The following PWWP2A variants were observed in gnomAD, a reference collection of about 807,000 sequenced individuals.
The protein encoded by PWWP2A is PWWP domain-containing protein 2A.
A neutral mutation model predicts 48.5 loss-of-function variants in PWWP2A; 18 were observed. The ratio of observed to expected loss-of-function variants is 0.37; its 90% CI spans 0.26 to 0.55. The LOEUF (loss-of-function observed/expected upper bound fraction) is 0.55. Among genes scored for constraint, PWWP2A ranks in the 20% least tolerant of loss-of-function variants. The pLI is 0.81. For missense variants in PWWP2A, 867 were observed against 976.4 expected (o/e 0.89, Z 1.49); for synonymous variants, 396 against 387.7 (o/e 1.02, Z -0.25).
chr5:160,069,245 A>G (rs1157085507), intron 2 of PWWP2A, among the ~76,000 whole-genome samples: 1 of 151,978 alleles, frequency 6.6e-6, no homozygotes, highest in African/African-American at 2.4e-5. Flanking sequence ...AGATCATGCC[A>G]CTGCACTCTA....
chr5:160,094,989 A>G (rs1466665231), intron 1 of PWWP2A, among the ~76,000 whole-genome samples: 2 of 132,212 alleles, frequency 1.5e-5, no homozygotes, highest in African/African-American at 5.5e-5. Flanking sequence ...CAGAGCTTGC[A>G]GTGAGCTGAG....
chr5:160,097,128 G>A (rs1397167377), intron 1 of PWWP2A, among the ~76,000 whole-genome samples: 1 of 151,654 alleles, frequency 6.6e-6, no homozygotes, highest in Non-Finnish European at 1.5e-5. Flanking sequence ...CTTGAGCCCA[G>A]GAGTTTGAGA....
At chr5:160,090,370 AACTTTT>A, downstream of PWWP2A, 7 of 983,834 alleles carry the variant, frequency 7.1e-6, no homozygotes, top group Non-Finnish European at 8.4e-6. Flanking sequence ...TTAGATTTCA[AACTTTT>A]AAAAACACCT....
At chr5:160,059,594 T>A (rs1444908691), downstream of PWWP2A, among the ~76,000 whole-genome samples, 1 of 152,244 alleles carries the variant, frequency 6.6e-6, no homozygotes, top group African/African-American at 2.4e-5. Flanking sequence ...GGATTATTAA[T>A]TGACCTAATT....
Position 160,093,774 on chromosome 5 carries a change from C to A in PWWP2A, c.876G>T (p.Arg292=). ...TTTTTCGTTTGGGTCGCTTAATTTT[C>A]CGAGGAGGTGGCTGAGGTATTGATT... The part of the protein sequence containing the change: ...YNQSIPQPPP[R]KIKRPKRKMY... Residue 292 remains arginine, a synonymous_variant, in exon 2 of 2, where the codon CGG becomes CGT. Coordinates refer to ENST00000307063, the MANE Select transcript of PWWP2A (RefSeq NM_001130864.2). The surrounding 1 kb of genome is among the most constrained non-coding windows in gnomAD (Gnocchi z 5.8). 6.2e-7 allele frequency: 1 copy of A among 1,613,564 alleles called. No homozygotes were observed. The highest frequency in any genetic ancestry group is 8.5e-7 in the Non-Finnish European group (1 of 1,179,782).
downstream of PWWP2A, among the ~76,000 whole-genome samples, chr5:160,087,742 A>C (rs140626088): frequency 9.8e-3 from 1,498 of 152,358 alleles, 15 homozygotes; most frequent in Middle Eastern, 0.02. Flanking sequence ...CACACAAAAA[A>C]ATCACAGTGC....
rs1340474730 is a variant in PWWP2A, at chr5:160,091,605, G to A, written c.*777C>T. 1.0e-6 allele frequency: 1 copy of A among 982,810 alleles called. No homozygotes were observed. Among genetic ancestry groups the A allele is most frequent in the Non-Finnish European group, 1.2e-6 (1 of 828,970 alleles). The allele number at this position is 982,810 out of a possible 1,614,324, so 60.9% of individuals were successfully genotyped here. On this transcript the variant is annotated 3_prime_UTR_variant, in exon 2 of 2. Coordinates refer to ENST00000307063, the MANE Select transcript of PWWP2A (RefSeq NM_001130864.2). The stretch of plus-strand genomic sequence containing the variant: ...GTCAGGAGAAATCTGACCAAATTTA[G>A]CAATCACTATTTACAAATCCAAAAT...
At chr5:160,045,077 G>T in the PWWP2A span, among the ~76,000 whole-genome samples, 1 of 152,152 alleles carries the variant, frequency 6.6e-6, no homozygotes, top group African/African-American at 2.4e-5. Context: ...TTTATGTGAG[G>T]ATGTGTGGGT....
intron 3 of PWWP2A, among the ~76,000 whole-genome samples, chr5:160,079,438 A>G (rs1014801548): frequency 3.0e-4 from 43 of 142,774 alleles, no homozygotes; most frequent in Non-Finnish European, 5.3e-4. Context: ...TTGCTTCTGG[A>G]AAAAAAAAAA....
Position 160,093,223 on chromosome 5 carries a change from A to G in PWWP2A, c.1427T>C (p.Leu476Ser), listed in dbSNP as rs772530906. The G allele has an allele frequency of 6.2e-7, 1 of 1,613,966 alleles. No individual in the cohort carries two copies. Among genetic ancestry groups the G allele is most frequent in the Admixed American group, 1.7e-5 (1 of 60,018 alleles). ...TTCATTCCTGTACCTCTGTGGTTTT[A>G]AACGAACCCGGGGTGGAAGGGAACC... ...SSGSLPPRVR[L>S]KPQRYRNEEN... is the part of the protein sequence containing the mutation. The change falls in exon 2 of 2, where the codon TTA becomes TCA. Residue 476 changes from leucine to serine, a missense_variant. Coordinates refer to ENST00000307063, the MANE Select transcript of PWWP2A (RefSeq NM_001130864.2). The surrounding 1 kb of genome is among the most constrained non-coding windows in gnomAD (Gnocchi z 5.8).
At chr5:160,101,971 G>A (rs886569855) in intron 1 of PWWP2A, among the ~76,000 whole-genome samples, 63 of 151,756 alleles carry the variant, frequency 4.2e-4, no homozygotes, top group African/African-American at 1.5e-3. Flanking sequence ...GTAGCCGGGC[G>A]TGGTGGCATG....
chr5:160,092,757 A>G lies in PWWP2A; in HGVS notation c.1893T>C (p.Asn631=), dbSNP rs1755211809. 4 of 1,551,532 alleles carry G rather than the reference A, an allele frequency of 2.6e-6. No individual in the cohort carries two copies. Among genetic ancestry groups the G allele is most frequent in the African/African-American group, 1.4e-5 (1 of 73,032 alleles). The change falls in exon 2 of 2, where the codon AAT becomes AAC. Residue 631 remains asparagine, a synonymous_variant. Coordinates refer to ENST00000307063, the MANE Select transcript of PWWP2A (RefSeq NM_001130864.2). ...TGGAAAAGACTTTCATTTTCAAGGA[A>G]TTACTGAGCTTTTTCTCTTCCTTTG... ...SSSKEEKKLS[N]SLKMKVFSKN... is the part of the protein sequence containing the mutation.
At chr5:160,106,897 T>C (rs1399554336) in intron 1 of PWWP2A, among the ~76,000 whole-genome samples, 1 of 145,176 alleles carries the variant, frequency 6.9e-6, no homozygotes, top group Non-Finnish European at 1.5e-5. Context: ...AGATCTCAGC[T>C]CACGCAACCT....
chr5:160,065,949 G>C (rs1753594650), intron 4 of PWWP2A, among the ~76,000 whole-genome samples: 5 of 152,212 alleles, frequency 3.3e-5, no homozygotes, highest in Admixed American at 3.3e-4. Context: ...CTAGTGAGAA[G>C]CTTGCAGTTG....
chr5:160,078,679 T>C lies in PWWP2A; in HGVS notation c.1670-511A>G, dbSNP rs1205632702. On this transcript the variant is annotated intron_variant, in intron 3 of 3. Coordinates refer to the PWWP2A transcript ENST00000456329. The surrounding 1 kb of genome is among the most constrained non-coding windows in gnomAD (Gnocchi z 4.2). Reference sequence around the variant, plus strand: ...GCAGCAGGTCACACTGTCCACATACTTGCAAAGAGCAAAATAAGAAGGGAA... The same window carrying C: ...GCAGCAGGTCACACTGTCCACATACCTGCAAAGAGCAAAATAAGAAGGGAA... Among the ~76,000 whole-genome samples the C allele has an allele frequency of 6.6e-6, 1 of 152,104 alleles. No homozygotes were observed. The highest frequency in any genetic ancestry group is 1.5e-5 in the Non-Finnish European group (1 of 68,008).
intron 2 of PWWP2A, among the ~76,000 whole-genome samples, chr5:160,069,154 G>A (rs765354254): frequency 6.6e-6 from 1 of 152,018 alleles, no homozygotes; most frequent in Non-Finnish European, 1.5e-5. Flanking sequence ...GTGTGGTGGT[G>A]TGTGCCTGTA....
chr5:160,047,468 A>G, the PWWP2A span, among the ~76,000 whole-genome samples: 7 of 152,310 alleles, frequency 4.6e-5, no homozygotes, highest in African/African-American at 1.4e-4. Flanking sequence ...CTTCCAGCTT[A>G]GACCAAGCCA....
At chr5:160,080,531 T>C (rs975477734) in intron 3 of PWWP2A, 16 of 1,032,302 alleles carry the variant, frequency 1.5e-5, no homozygotes, top group Non-Finnish European at 2.1e-5. Context: ...CCAAAGTCAA[T>C]GAAAACTAAA....
At chr5:160,109,772 AAAATATATATATATATATAT>A (rs1367530039) in intron 1 of PWWP2A, among the ~76,000 whole-genome samples, 1 of 27,874 alleles carries the variant, frequency 3.6e-5, no homozygotes, top group South Asian at 1.2e-3. Context: ...AAAAAAAAAA[AAAATATATATATATATATAT>A]ATATATATAT....
Sources: allele counts gnomAD v4.1 joint callset (sites outside exome capture counted in the v4.1 genomes callset), GRCh38; gene constraint gnomAD v4.1.1; non-coding constraint Gnocchi (gnomAD v3.1); transcripts MANE v1.5; gene names NCBI Gene and HGNC (gene_info 2026-07-23, HGNC 2026-07-21).